THRAP3: variants seen among roughly 807,000 people sequenced by gnomAD.
THRAP3 encodes the protein thyroid hormone receptor associated protein 3.
THRAP3 carries 16 observed loss-of-function variants against 101.0 expected under a neutral mutation model. That is an observed-to-expected ratio of 0.16 (90% CI 0.11 to 0.24). The LOEUF (loss-of-function observed/expected upper bound fraction) is 0.24, where lower values mean the gene tolerates loss of function less well. THRAP3 is among the 10% of genes least tolerant of loss of function. The probability of loss-of-function intolerance (pLI) is 1.00; values close to 1 mark genes in which losing one functional copy is unlikely to be tolerated. For missense variants in THRAP3, 989 were observed against 1,202.7 expected, an observed-to-expected ratio of 0.82 and a Z score of 2.63; for synonymous variants, 407 against 422.6, an observed-to-expected ratio of 0.96 and a Z score of 0.45.
Position 36,285,143 on chromosome 1 carries a change from A to G in THRAP3, c.138-1225A>G, listed in dbSNP as rs567140586. Among the ~76,000 whole-genome samples the G allele has an allele frequency of 5.9e-5, 9 of 152,346 alleles. No homozygotes were observed. The East Asian group carries it at 1.5e-3, about 26-fold the overall frequency. On this transcript the variant is annotated intron_variant, in intron 3 of 11. Transcript: ENST00000354618. ...TGTTAAATCCTGAAAAGAAACTAGT[A>G]TATTTGCTAACTGGAGTTATTTGGA...
intron 7 of THRAP3, among the ~76,000 whole-genome samples, chr1:36,293,001 A>G (rs1033986561): frequency 1.4e-5 from 2 of 145,484 alleles, no homozygotes; most frequent in African/African-American, 5.0e-5. Flanking sequence ...TTCTGTAGGT[A>G]GAGTAAATGC....
intron 1 of THRAP3, among the ~76,000 whole-genome samples, chr1:36,242,750 C>G (rs1645177552): frequency 6.6e-6 from 1 of 152,200 alleles, no homozygotes. Context: ...CACGCCCACC[C>G]TCTGTTTTGA....
At chr1:36,257,107 A>G (rs970751489) in intron 1 of THRAP3, among the ~76,000 whole-genome samples, 2 of 152,080 alleles carry the variant, frequency 1.3e-5, no homozygotes, top group Non-Finnish European at 2.9e-5. Flanking sequence ...AACATTGCAG[A>G]CATTCTTATT....
intron 9 of THRAP3, among the ~76,000 whole-genome samples, chr1:36,299,797 C>G (rs1187601195): frequency 6.6e-6 from 1 of 152,210 alleles, no homozygotes; most frequent in Non-Finnish European, 1.5e-5. Flanking sequence ...GAGAGAGCCA[C>G]TACGCCCGGC....
rs541310811 is a variant in THRAP3 at position 36,228,523 on chromosome 1, T to C, written c.-135+4018T>C. 5.9e-5 allele frequency among the ~76,000 whole-genome samples: 9 copies of C among 152,260 alleles called. No individual in the cohort carries two copies. In the East Asian group the frequency reaches 1.4e-3, roughly 23 times the overall value. ...TGTGAGCCAGCGCATCTGGCCTAATTTTTGTATTTTTAGTAGAGACGGGGT... is the reference window on the plus strand; with the variant it reads ...TGTGAGCCAGCGCATCTGGCCTAATCTTTGTATTTTTAGTAGAGACGGGGT... On this transcript the variant is annotated intron_variant, in intron 1 of 11. Transcript: ENST00000354618.
chr1:36,282,959 T>G (rs1345323359), intron 3 of THRAP3, among the ~76,000 whole-genome samples: 1 of 152,250 alleles, frequency 6.6e-6, no homozygotes, highest in Middle Eastern at 3.2e-3. Flanking sequence ...AAGAACATTT[T>G]ATTTTTATTT....
intron 1 of THRAP3, among the ~76,000 whole-genome samples, chr1:36,238,082 C>T (rs1358659220): frequency 1.3e-5 from 2 of 152,054 alleles, no homozygotes; most frequent in Admixed American, 6.6e-5. Context: ...ATCCACTCAT[C>T]TCGGCCTCCC....
chr1:36,233,755 G>C (rs1022902208), intron 1 of THRAP3, among the ~76,000 whole-genome samples: 1 of 151,986 alleles, frequency 6.6e-6, no homozygotes, highest in Non-Finnish European at 1.5e-5. Flanking sequence ...GACAAAGTGA[G>C]ACCCTGTCTC....
In THRAP3 at chr1:36,286,046, A is replaced by G. The variant is rs1484070145; in HGVS notation, c.138-322A>G. ...AAACTGTAAGCTATTATTATGGTATATTAAAATGGTCTTTGTGTGGTTTAC... is the reference window on the plus strand; with the variant it reads ...AAACTGTAAGCTATTATTATGGTATGTTAAAATGGTCTTTGTGTGGTTTAC... On this transcript the variant is annotated intron_variant, in intron 3 of 11. Transcript: ENST00000354618. This position sits in a 1 kb window ranked among gnomAD's most constrained non-coding sequence, Gnocchi z 5.5. Among the ~76,000 whole-genome samples, 2 of 152,216 alleles carry G rather than the reference A, an allele frequency of 1.3e-5. No individual in the cohort carries two copies. Among genetic ancestry groups the G allele is most frequent in the Non-Finnish European group, 2.9e-5 (2 of 68,040 alleles).
At chr1:36,209,100 T>C in the THRAP3 span, among the ~76,000 whole-genome samples, 1 of 146,444 alleles carries the variant, frequency 6.8e-6, no homozygotes, top group African/African-American at 2.5e-5. Context: ...CCTCAGCCTC[T>C]CAAGTAGCTG....
the THRAP3 span, among the ~76,000 whole-genome samples, chr1:36,211,291 G>A: frequency 6.6e-6 from 1 of 151,726 alleles, no homozygotes; most frequent in African/African-American, 2.4e-5. Context: ...AACCTAAGAG[G>A]TCAAGGCTGC....
At chr1:36,257,116 T>C (rs1645386109) in intron 1 of THRAP3, among the ~76,000 whole-genome samples, 1 of 152,196 alleles carries the variant, frequency 6.6e-6, no homozygotes, top group Non-Finnish European at 1.5e-5. Flanking sequence ...GACATTCTTA[T>C]TTTTGTCTCT....
At chr1:36,220,972 A>AATATAT (rs1228406695), upstream of THRAP3, among the ~76,000 whole-genome samples, 45 of 94,110 alleles carry the variant, frequency 4.8e-4, no homozygotes, top group South Asian at 1.6e-3. Flanking sequence ...AAAAAAAAAA[A>AATATAT]ATATATATAT....
At position 36,232,794 on chromosome 1, in the gene THRAP3, G is replaced by T. The variant is rs149688699; in HGVS notation, c.-135+8289G>T. Among the ~76,000 whole-genome samples the T allele has an allele frequency of 2.0e-5, 3 of 152,092 alleles. No individual in the cohort carries two copies. In the East Asian group the frequency reaches 5.8e-4, roughly 29 times the overall value. On this transcript the variant is annotated intron_variant, in intron 1 of 11. Transcript: ENST00000354618. Reference sequence around the variant, plus strand: ...GAGTAGATTGCCAAGGGGCAAGAGGGTACTTTCTGGAGTGATAGAAATATT... The same window carrying T: ...GAGTAGATTGCCAAGGGGCAAGAGGTTACTTTCTGGAGTGATAGAAATATT...
At chr1:36,220,251 C>A (rs1236390670), upstream of THRAP3, among the ~76,000 whole-genome samples, 2 of 152,184 alleles carry the variant, frequency 1.3e-5, no homozygotes, top group African/African-American at 4.8e-5. Context: ...TCTCGGCCTG[C>A]CAAAATGTTG....
Position 36,289,712 on chromosome 1 carries a change from C to G in THRAP3, c.1693C>G (p.Arg565Gly). The change falls in exon 5 of 12, where the codon CGA becomes GGA. Residue 565 changes from arginine (R) to glycine (G), a missense_variant. By Grantham distance (125) the Arg-to-Gly change is moderately radical. Coordinates refer to ENST00000354618, the MANE Select transcript of THRAP3 (RefSeq NM_005119.4). Reference protein sequence around the residue: ...PTGKSSFSITREAQVNVRMDS... With the variant: ...PTGKSSFSITGEAQVNVRMDS... The stretch of plus-strand genomic sequence containing the variant: ...AGGAAAGTCTTCCTTTTCCATTACT[C>G]GAGAGGCACAGGTCAATGTCCGGAT... The G allele has an allele frequency of 6.2e-7, 1 of 1,613,856 alleles. No individual in the cohort carries two copies. The highest frequency in any genetic ancestry group is 1.3e-5 in the African/African-American group (1 of 75,000).
the THRAP3 span, among the ~76,000 whole-genome samples, chr1:36,214,910 G>A: frequency 6.5e-4 from 98 of 150,740 alleles, no homozygotes; most frequent in African/African-American, 2.2e-3. Flanking sequence ...TGAGAATCAC[G>A]TCCCTCCCCT....
At position 36,294,772 on chromosome 1, in the gene THRAP3, A is replaced by C. The variant is rs369385059; in HGVS notation, c.2115+837A>C. On this transcript the variant is annotated intron_variant, in intron 8 of 11. Transcript: ENST00000354618. ...CCATGTAAAACCCAAGGTTTTCTTT[A>C]AAACATCAGAAGAGATCTCGTCCTC... is the stretch of plus-strand genomic sequence containing the variant. Among the ~76,000 whole-genome samples the C allele has an allele frequency of 3.3e-5, 5 of 152,292 alleles. No homozygotes were observed. In the East Asian group the frequency reaches 9.6e-4, roughly 29 times the overall value.
In THRAP3 at chr1:36,257,043, C is replaced by T. The variant is rs993842286; in HGVS notation, c.-134-2339C>T. Among the ~76,000 whole-genome samples the T allele has an allele frequency of 2.0e-5, 3 of 152,056 alleles. No individual in the cohort carries two copies. The East Asian group carries it at 5.8e-4, about 29-fold the overall frequency. Reference sequence around the variant, plus strand: ...AACTCCCGACCTCAGGTGATCTGCCCGCCTCGGCCTCCCAAAGTGGTGGGA... The same window carrying T: ...AACTCCCGACCTCAGGTGATCTGCCTGCCTCGGCCTCCCAAAGTGGTGGGA... On this transcript the variant is annotated intron_variant, in intron 1 of 11. Transcript: ENST00000354618.
Sources: gnomAD v4.1 joint callset for allele counts (sites outside exome capture counted in the v4.1 genomes callset) on GRCh38, gnomAD v4.1.1 for gene constraint, Gnocchi (gnomAD v3.1) non-coding constraint, MANE v1.5 for transcripts, NCBI Gene and HGNC (gene_info 2026-07-23, HGNC 2026-07-21) for gene names.